The following DFFA variants were observed in gnomAD, a reference collection of about 807,000 sequenced individuals.
DFFA encodes DFF45.
Under a neutral mutation model 28.0 loss-of-function variants are expected in DFFA, and 14 were observed. The ratio of observed to expected loss-of-function variants is 0.50; its 90% CI spans 0.33 to 0.78. The LOEUF is 0.78. Among genes scored for constraint, DFFA ranks in the 30% least tolerant of loss-of-function variants. DFFA has a pLI of 0.02. For synonymous variants in DFFA, 158 were observed against 170.3 expected (o/e 0.93, Z 0.56); for missense variants, 395 against 407.1 (o/e 0.97, Z 0.26).
chr1:10,465,828 A>T (rs917408008), intron 3 of DFFA, among the ~76,000 whole-genome samples: 5 of 151,932 alleles, frequency 3.3e-5, no homozygotes, highest in African/African-American at 1.2e-4. Flanking sequence ...AGTAGCTGGA[A>T]CTACAGGCAC....
At chr1:10,462,568 A>G in intron 5 of DFFA, 2 of 994,928 alleles carry the variant, frequency 2.0e-6, no homozygotes, top group Non-Finnish European at 2.4e-6. Context: ...TATCTACAAT[A>G]GGGAGGTACT....
Position 10,461,636 on chromosome 1 carries a change from T to TCAGA in DFFA, c.849_850insTCTG (p.Thr284SerfsTer8). On this transcript the variant is annotated frameshift_variant, in exon 6 of 6. Coordinates refer to ENST00000377038, the MANE Select transcript of DFFA (RefSeq NM_004401.3). LOFTEE classifies it low-confidence loss of function (END_TRUNC). The stretch of plus-strand genomic sequence containing the variant: ...TCCCGCTCACAGGCCTCCTGAACAG[T>TCAGA]CTCCGTCTTCTTTATGTCCCAGTTC... 1 of 1,614,238 alleles carries TCAGA rather than the reference T, an allele frequency of 6.2e-7. No homozygotes were observed.
chr1:10,463,302 AC>A, intron 4 of DFFA, 93 bp from the exon 5 acceptor site: 2 of 1,558,926 alleles, frequency 1.3e-6, no homozygotes, highest in Non-Finnish European at 1.7e-6. Context: ...CAAGAGAGAA[AC>A]GTGCCCGTCC....
intron 1 of DFFA, among the ~76,000 whole-genome samples, chr1:10,469,841 T>TC: frequency 8.8e-5 from 1 of 11,310 alleles, no homozygotes; most frequent in East Asian, 4.2e-3. Flanking sequence ...CTTTCTTTCT[T>TC]TTTTTTTTTT....
Position 10,461,440 on chromosome 1 carries a change from T to C in DFFA, c.*50A>G, listed in dbSNP as rs746433569. On this transcript the variant is annotated 3_prime_UTR_variant, in exon 6 of 6. Coordinates refer to ENST00000377038, the MANE Select transcript of DFFA (RefSeq NM_004401.3). ...GTCAAATGATGAGGCTGAGGGTGTC[T>C]ACCAATAACACAACGCCACAGAGCT... is the stretch of plus-strand genomic sequence containing the variant. 1 of 1,572,416 alleles carries C rather than the reference T, an allele frequency of 6.4e-7. No homozygotes were observed. Among genetic ancestry groups the C allele is most frequent in the South Asian group, 1.2e-5 (1 of 86,324 alleles).
At chr1:10,471,044 CAG>C (rs1389623564) in intron 1 of DFFA, among the ~76,000 whole-genome samples, 4 of 118,830 alleles carry the variant, frequency 3.4e-5, no homozygotes, top group African/African-American at 9.9e-5. Flanking sequence ...GCCTGGGTGA[CAG>C]AGTGACACTC....
intron 5 of DFFA, 61 bp from the exon 6 acceptor site, chr1:10,461,763 CCTGA>C: frequency 1.3e-6 from 2 of 1,596,986 alleles, no homozygotes; most frequent in South Asian, 1.1e-5. Flanking sequence ...CTGCTGCTCT[CCTGA>C]CTCTCTTTTG....
At chr1:10,467,612 G>A (rs1335750087) in intron 2 of DFFA, among the ~76,000 whole-genome samples, 1 of 151,864 alleles carries the variant, frequency 6.6e-6, no homozygotes, top group South Asian at 2.1e-4. Flanking sequence ...CCGAGTTCAA[G>A]CGATTCTCCT....
intron 3 of DFFA, among the ~76,000 whole-genome samples, chr1:10,465,802 C>T (rs1448443043): frequency 6.6e-6 from 1 of 151,892 alleles, no homozygotes; most frequent in East Asian, 1.9e-4. Context: ...AGTGATCCTT[C>T]TGCCTCAGTT....
At chr1:10,465,588 T>G (rs999916974) in intron 3 of DFFA, among the ~76,000 whole-genome samples, 1 of 152,124 alleles carries the variant, frequency 6.6e-6, no homozygotes, top group African/African-American at 2.4e-5. Context: ...AGACGGGGTT[T>G]CACCATGTTT....
Position 10,461,346 on chromosome 1 carries a change from G to C in DFFA, c.*144C>G, listed in dbSNP as rs562696115. On this transcript the variant is annotated 3_prime_UTR_variant, in exon 6 of 6. Transcript: ENST00000377038. ...CTAAAAAAAAAATTGGTGGAACGGCGTATGTTGAGACCTGGAATAGCTTCT... is the reference window on the plus strand; with the variant it reads ...CTAAAAAAAAAATTGGTGGAACGGCCTATGTTGAGACCTGGAATAGCTTCT... The C allele has an allele frequency of 4.3e-6, 6 of 1,385,922 alleles. No individual in the cohort carries two copies. Among genetic ancestry groups the C allele is most frequent in the Non-Finnish European group, 5.7e-6 (6 of 1,053,266 alleles). The allele number at this position is 1,385,922 out of a possible 1,614,324, so 85.9% of individuals were successfully genotyped here. A position where few individuals can be genotyped will look rare whatever the true frequency, so the allele number is the denominator to read the frequency against.
At position 10,472,352 on chromosome 1, in the gene DFFA, G is replaced by A. The variant is rs1392160961; in HGVS notation, c.107C>T (p.Ala36Val). 1 of 1,608,344 alleles carries A rather than the reference G, an allele frequency of 6.2e-7. No individual in the cohort carries two copies. The highest frequency in any genetic ancestry group is 8.5e-7 in the Non-Finnish European group (1 of 1,176,712). ...GCTCCTCAGGTCTTCGAGGCAGGAG[G>A]CGGCCACGCCGTGCTGTTCGCGGCT... ...NYSREQHGVA[A>V]SCLEDLRSKA... is the part of the protein sequence containing the mutation. The change falls in exon 1 of 6, where the codon GCC (alanine) becomes GTC (valine). Residue 36 changes from alanine to valine, a missense_variant. By Grantham distance (64) the Ala-to-Val change is moderately conservative. Transcript: ENST00000377038. The surrounding 1 kb of genome is among the most constrained non-coding windows in gnomAD (Gnocchi z 5.0).
At chr1:10,465,785 G>A (rs775846098) in intron 3 of DFFA, among the ~76,000 whole-genome samples, 8 of 151,828 alleles carry the variant, frequency 5.3e-5, no homozygotes, top group Non-Finnish European at 1.2e-4. Flanking sequence ...TTGACCACCT[G>A]GGCTCAAGTG....
At chr1:10,464,559 A>G (rs575172818) in intron 3 of DFFA, among the ~76,000 whole-genome samples, 1 of 151,994 alleles carries the variant, frequency 6.6e-6, no homozygotes, top group East Asian at 2.0e-4. Flanking sequence ...TACCAAAAAT[A>G]TAAAAATTCA....
chr1:10,466,897 G>T lies in DFFA; in HGVS notation c.441+293C>A, dbSNP rs1641030267. Among the ~76,000 whole-genome samples the T allele has an allele frequency of 1.4e-5, 2 of 141,718 alleles. 1 individual carries two copies. Among genetic ancestry groups the T allele is most frequent in the Non-Finnish European group, 3.0e-5 (2 of 66,632 alleles). 93.0% of individuals were successfully genotyped at this position (141,718 alleles called of 152,430 possible). A position where few individuals can be genotyped will look rare whatever the true frequency, so the allele number is the denominator to read the frequency against. On this transcript the variant is annotated intron_variant, in intron 3 of 5. Coordinates refer to ENST00000377038, the MANE Select transcript of DFFA (RefSeq NM_004401.3). ...GAACCCGGGAGGTGGAGACTGCAGT[G>T]AGCTGAGATTGCACCACTGCACTCC...
At position 10,461,409 on chromosome 1, in the gene DFFA, T is replaced by C; in HGVS notation, c.*81A>G. On this transcript the variant is annotated 3_prime_UTR_variant, in exon 6 of 6. Transcript: ENST00000377038. ...CTAAGGCAGGGGGTAGAGTAGTACA[T>C]AGGTAGTCAAATGATGAGGCTGAGG... 6.6e-7 allele frequency: 1 copy of C among 1,522,732 alleles called. No individual in the cohort carries two copies. The highest frequency in any genetic ancestry group is 8.8e-7 in the Non-Finnish European group (1 of 1,130,810). 94.3% of individuals were successfully genotyped at this position (1,522,732 alleles called of 1,614,324 possible). A position where few individuals can be genotyped will look rare whatever the true frequency, so the allele number is the denominator to read the frequency against.
At chr1:10,462,929 T>C in intron 5 of DFFA, 129 bp downstream of exon 5, 2 of 1,507,672 alleles carry the variant, frequency 1.3e-6, no homozygotes, top group East Asian at 2.3e-5. Flanking sequence ...TGGCATATAA[T>C]AGGCAAACTG....
At position 10,459,463 on chromosome 1, in the gene DFFA, G is replaced by C. The variant is rs913233864; in HGVS notation, c.*2027C>G. 2 of 152,150 alleles carry C rather than the reference G, an allele frequency of 1.3e-5. No homozygotes were observed. The highest frequency in any genetic ancestry group is 6.5e-5 in the Admixed American group (1 of 15,272). The allele number at this position is 152,150 out of a possible 1,614,324, so 9.4% of individuals were successfully genotyped here. On this transcript the variant is annotated 3_prime_UTR_variant, in exon 6 of 6. Transcript: ENST00000377038. ...AAACTGAAGAGTTTCACGGTGGTGA[G>C]ATAGAATTTCACAATACTGAGTGAG...
At chr1:10,466,902 G>C (rs998907238) in intron 3 of DFFA, among the ~76,000 whole-genome samples, 3 of 136,698 alleles carry the variant, frequency 2.2e-5, no homozygotes, top group Non-Finnish European at 3.0e-5. Flanking sequence ...GCAGTGAGCT[G>C]AGATTGCACC....
Sources: gnomAD v4.1 joint callset for allele counts (sites outside exome capture counted in the v4.1 genomes callset) on GRCh38, gnomAD v4.1.1 for gene constraint, Gnocchi (gnomAD v3.1) non-coding constraint, MANE v1.5 for transcripts, NCBI Gene and HGNC (gene_info 2026-07-23, HGNC 2026-07-21) for gene names.